Variants in NKAIN2 observed in about 807,000 individuals in gnomAD.
NKAIN2 encodes the protein sodium/potassium transporting ATPase interacting 2.
A neutral mutation model predicts 32.6 loss-of-function variants in NKAIN2; 14 were observed. The ratio of observed to expected loss-of-function variants is 0.43; its 90% CI spans 0.28 to 0.67. The LOEUF is 0.67. Among genes scored for constraint, NKAIN2 ranks in the 30% least tolerant of loss-of-function variants. The pLI is 0.17. For missense variants in NKAIN2, 198 were observed against 258.3 expected, an observed-to-expected ratio of 0.77 and a Z score of 1.60; for synonymous variants, 80 against 87.2, an observed-to-expected ratio of 0.92 and a Z score of 0.46.
At chr6:124,305,257 G>A (rs1796462728) in intron 2 of NKAIN2, among the ~76,000 whole-genome samples, 1 of 152,186 alleles carries the variant, frequency 6.6e-6, no homozygotes, top group Non-Finnish European at 1.5e-5. Context: ...TTACAGTGGA[G>A]AATGTATTTG....
chr6:124,456,835 T>A, intron 3 of NKAIN2, among the ~76,000 whole-genome samples: 1 of 151,958 alleles, frequency 6.6e-6, no homozygotes, highest in East Asian at 1.9e-4. Flanking sequence ...TATTAAGAAA[T>A]GCCCTCTCTA....
In NKAIN2 at chr6:124,712,527, G is replaced by A. The variant is rs1266169706; in HGVS notation, c.474+54141G>A. ...GCAGGATATAATCTGGTGGTGTGCC[G>A]TTTTTTAAGCCCGTCGGAAAAGCGC... On this transcript the variant is annotated intron_variant, in intron 4 of 6. Coordinates refer to ENST00000368417, the MANE Select transcript of NKAIN2 (RefSeq NM_001040214.3). Among the ~76,000 whole-genome samples the A allele has an allele frequency of 4.2e-4, 48 of 115,538 alleles. 11 individuals carry two copies. Among genetic ancestry groups the A allele is most frequent in the Admixed American group, 2.0e-3 (24 of 12,264 alleles). 75.8% of individuals were successfully genotyped at this position (115,538 alleles called of 152,430 possible). A position where few individuals can be genotyped will look rare whatever the true frequency, so the allele number is the denominator to read the frequency against.
intron 3 of NKAIN2, among the ~76,000 whole-genome samples, chr6:124,436,879 A>G (rs1166193110): frequency 6.6e-6 from 1 of 152,096 alleles, no homozygotes. Flanking sequence ...AAAGTCTGCA[A>G]TGACTATACG....
At chr6:124,616,200 C>T (rs573699182) in intron 3 of NKAIN2, among the ~76,000 whole-genome samples, 35 of 152,122 alleles carry the variant, frequency 2.3e-4, no homozygotes, top group Non-Finnish European at 4.7e-4. Flanking sequence ...GCATTCCCTT[C>T]TTGTAAGTGT....
At chr6:123,926,407 GGCAGTGTTCCCCAGATTCCCGCT>G (rs1008823521) in intron 1 of NKAIN2, among the ~76,000 whole-genome samples, 1 of 151,920 alleles carries the variant, frequency 6.6e-6, no homozygotes, top group Admixed American at 6.6e-5. Context: ...AGATTCCTGT[GGCAGTGTTCCCCAGATTCCCGCT>G]GCAGTGTTCC....
chr6:123,947,048 T>C (rs1156333496), intron 1 of NKAIN2, among the ~76,000 whole-genome samples: 2 of 152,230 alleles, frequency 1.3e-5, no homozygotes, highest in Non-Finnish European at 1.5e-5. Flanking sequence ...CAAGCTTGGC[T>C]TCCTACATTC....
intron 1 of NKAIN2, among the ~76,000 whole-genome samples, chr6:123,809,926 A>G (rs1464510720): frequency 6.6e-6 from 1 of 152,196 alleles, no homozygotes; most frequent in East Asian, 1.9e-4. Context: ...AATGCTACAT[A>G]TAAACTGATT....
At chr6:124,011,833 T>C (rs1780345424) in intron 1 of NKAIN2, among the ~76,000 whole-genome samples, 1 of 152,142 alleles carries the variant, frequency 6.6e-6, no homozygotes, top group Non-Finnish European at 1.5e-5. Context: ...GCCATTCAAG[T>C]TCATAATCCA....
chr6:124,676,600 ATTAT>A (rs924588879), intron 4 of NKAIN2, among the ~76,000 whole-genome samples: 11 of 151,848 alleles, frequency 7.2e-5, no homozygotes, highest in African/African-American at 2.4e-4. Context: ...GTGACTATTT[ATTAT>A]TTATTTATTT....
chr6:124,342,753 C>T (rs1278409203), intron 2 of NKAIN2, among the ~76,000 whole-genome samples: 1 of 151,634 alleles, frequency 6.6e-6, no homozygotes, highest in Non-Finnish European at 1.5e-5. Context: ...GATTTGCCCA[C>T]TTCAGCCTCC....
chr6:124,688,530 G>C lies in NKAIN2; in HGVS notation c.474+30144G>C, dbSNP rs1013816308. Among the ~76,000 whole-genome samples the C allele has an allele frequency of 9.2e-5, 14 of 152,040 alleles. No homozygotes were observed. In the South Asian group the frequency reaches 2.3e-3, roughly 25 times the overall value. On this transcript the variant is annotated intron_variant, in intron 4 of 6. Coordinates refer to ENST00000368417, the MANE Select transcript of NKAIN2 (RefSeq NM_001040214.3). ...TACATTGTGGTTCACTGTTAGTGTT[G>C]TACATTCTTTTGGTTTGTAATAATA... is the stretch of plus-strand genomic sequence containing the variant.
At chr6:124,660,861 A>C (rs1784721222) in intron 4 of NKAIN2, among the ~76,000 whole-genome samples, 1 of 152,240 alleles carries the variant, frequency 6.6e-6, no homozygotes, top group African/African-American at 2.4e-5. Flanking sequence ...TTATAATGCA[A>C]ATCAAAAAGG....
chr6:124,279,898 AT>A, intron 1 of NKAIN2, among the ~76,000 whole-genome samples: 1 of 152,304 alleles, frequency 6.6e-6, no homozygotes, highest in Middle Eastern at 3.4e-3. Context: ...GATGTTACAA[AT>A]AAAAACTTCA....
intron 3 of NKAIN2, among the ~76,000 whole-genome samples, chr6:124,402,600 G>A (rs1773671844): frequency 6.6e-6 from 1 of 152,198 alleles, no homozygotes; most frequent in South Asian, 2.1e-4. Flanking sequence ...TGTGCACCAT[G>A]TGGCTGTGCA....
intron 1 of NKAIN2, among the ~76,000 whole-genome samples, chr6:123,821,108 C>G (rs188599604): frequency 1.3e-5 from 2 of 152,252 alleles, no homozygotes; most frequent in East Asian, 3.9e-4. Context: ...ACATTACATG[C>G]CAGCCAATCA....
intron 2 of NKAIN2, among the ~76,000 whole-genome samples, chr6:124,351,007 A>G (rs1798701561): frequency 6.6e-6 from 1 of 152,154 alleles, no homozygotes; most frequent in African/African-American, 2.4e-5. Flanking sequence ...AAATAAATAA[A>G]TAAAAATATT....
intron 4 of NKAIN2, among the ~76,000 whole-genome samples, chr6:124,746,335 A>T (rs1478921762): frequency 1.3e-5 from 2 of 151,962 alleles, no homozygotes; most frequent in Non-Finnish European, 2.9e-5. Flanking sequence ...GAATAATATT[A>T]TCAAATATTG....
chr6:123,950,618 G>A (rs1234047163), intron 1 of NKAIN2, among the ~76,000 whole-genome samples: 1 of 151,472 alleles, frequency 6.6e-6, no homozygotes, highest in Non-Finnish European at 1.5e-5. Context: ...ATGATCTTTT[G>A]TATTTGTATG....
chr6:124,704,283 A>G (rs1201223463), intron 4 of NKAIN2, among the ~76,000 whole-genome samples: 1 of 151,230 alleles, frequency 6.6e-6, no homozygotes, highest in South Asian at 2.1e-4. Flanking sequence ...AGCTTCCTAG[A>G]AAAAAAAATC....
Sources: gnomAD v4.1 joint callset for allele counts (sites outside exome capture counted in the v4.1 genomes callset) on GRCh38, gnomAD v4.1.1 for gene constraint, MANE v1.5 for transcripts, NCBI Gene and HGNC (gene_info 2026-07-23, HGNC 2026-07-21) for gene names.